LRCH3: variants seen among roughly 807,000 people sequenced by gnomAD.
The protein encoded by LRCH3 is leucine rich repeats and calponin homology domain containing 3.
Under a neutral mutation model 104.5 loss-of-function variants are expected in LRCH3, and 68 were observed. The observed-to-expected ratio is 0.65, with a 90% CI of 0.54 to 0.80. The LOEUF is 0.80. Among genes scored for constraint, LRCH3 ranks in the 30% least tolerant of loss-of-function variants. LRCH3 has a pLI of 0.00. For missense variants in LRCH3, 951 were observed against 953.9 expected (o/e 1.00, Z 0.04); for synonymous variants, 344 against 361.3 (o/e 0.95, Z 0.54).
Position 197,865,538 on chromosome 3 carries a change from T to A in LRCH3, c.1765+67T>A, listed in dbSNP as rs575851363. The A allele has an allele frequency of 6.0e-5, 63 of 1,049,356 alleles. No homozygotes were observed. The South Asian group carries it at 1.0e-3, about 17-fold the overall frequency. 65.0% of individuals were successfully genotyped at this position (1,049,356 alleles called of 1,614,324 possible). On this transcript the variant is annotated intron_variant, in intron 16 of 20. Coordinates refer to ENST00000425562, the MANE Select transcript of LRCH3 (RefSeq NM_001365715.1). ...ATTCTTTATTTTTTTATTTAAAAAA[T>A]AATAATAAATAGAGACGAGGCCTTT...
chr3:197,846,385 C>CAAAAAAA (rs113781589), intron 10 of LRCH3, among the ~76,000 whole-genome samples: 6 of 66,756 alleles, frequency 9.0e-5, no homozygotes, highest in African/African-American at 2.4e-4. Flanking sequence ...CCTTGGGCCA[C>CAAAAAAA]AAAAAAAAAA....
chr3:197,812,711 G>A (rs1472142730), intron 1 of LRCH3, among the ~76,000 whole-genome samples: 3 of 151,806 alleles, frequency 2.0e-5, no homozygotes, highest in Non-Finnish European at 4.4e-5. Flanking sequence ...ACAGGCACAT[G>A]CCACCACGCC....
intron 1 of LRCH3, among the ~76,000 whole-genome samples, chr3:197,793,899 C>G (rs1730906583): frequency 1.3e-5 from 2 of 152,212 alleles, no homozygotes; most frequent in South Asian, 4.1e-4. Flanking sequence ...GCTCGTTACC[C>G]AGTCTCTGTT....
intron 1 of LRCH3, among the ~76,000 whole-genome samples, chr3:197,801,937 A>C (rs1731943539): frequency 1.3e-5 from 2 of 152,162 alleles, no homozygotes; most frequent in African/African-American, 4.8e-5. Context: ...TTGTGGTTAT[A>C]AAACTGAGGT....
chr3:197,879,359 C>A (rs865789030), intron 20 of LRCH3, among the ~76,000 whole-genome samples: 2 of 152,096 alleles, frequency 1.3e-5, no homozygotes, highest in Non-Finnish European at 2.9e-5. Flanking sequence ...AAAATAGACA[C>A]CCCCTGGCCG....
intron 20 of LRCH3, chr3:197,881,190 G>A (rs956300353): frequency 7.9e-5 from 79 of 1,005,104 alleles, no homozygotes; most frequent in Non-Finnish European, 8.6e-5. Context: ...GGTTTTGGCC[G>A]CACCCGGTTA....
chr3:197,843,708 GA>G (rs2109358561), intron 10 of LRCH3, among the ~76,000 whole-genome samples: 1 of 152,216 alleles, frequency 6.6e-6, no homozygotes, highest in Non-Finnish European at 1.5e-5. Context: ...CTGCCTTATA[GA>G]GATAAAAGTC....
chr3:197,846,236 T>C (rs528787758), intron 10 of LRCH3, among the ~76,000 whole-genome samples: 1 of 152,010 alleles, frequency 6.6e-6, no homozygotes, highest in Non-Finnish European at 1.5e-5. Flanking sequence ...AAACCCGGTC[T>C]CTACAAAAAC....
intron 20 of LRCH3, among the ~76,000 whole-genome samples, chr3:197,879,523 G>T (rs1407988750): frequency 6.6e-6 from 1 of 151,680 alleles, no homozygotes; most frequent in South Asian, 2.1e-4. Context: ...GCGGGCGCCT[G>T]TAGTCCCAGC....
At chr3:197,867,829 T>G (rs1367493635) in intron 17 of LRCH3, among the ~76,000 whole-genome samples, 3 of 152,046 alleles carry the variant, frequency 2.0e-5, no homozygotes, top group Admixed American at 6.6e-5. Flanking sequence ...CACTCCAGCC[T>G]GGGTGACAGA....
In LRCH3 at chr3:197,883,066, A is replaced by G; in HGVS notation, c.2209-475A>G. The G allele has an allele frequency of 1.0e-6, 1 of 986,098 alleles. No individual in the cohort carries two copies. The allele number at this position is 986,098 out of a possible 1,614,324, so 61.1% of individuals were successfully genotyped here. On this transcript the variant is annotated intron_variant, in intron 20 of 20. Transcript: ENST00000425562. This position sits in a 1 kb window ranked among gnomAD's most constrained non-coding sequence, Gnocchi z 4.2. ...TTATAATGCAGATAGCGTAGAACTC[A>G]TGCAGGCTGAGTTATGTTTTCAAAC...
chr3:197,851,981 T>C (rs1226086594), intron 12 of LRCH3, among the ~76,000 whole-genome samples: 1 of 152,180 alleles, frequency 6.6e-6, no homozygotes, highest in Non-Finnish European at 1.5e-5. Flanking sequence ...ACCTCTCTTC[T>C]CGATTTTCTC....
intron 4 of LRCH3, among the ~76,000 whole-genome samples, chr3:197,820,741 C>A (rs894468674): frequency 6.6e-6 from 1 of 152,060 alleles, no homozygotes; most frequent in African/African-American, 2.4e-5. Context: ...CCCAGGAGGC[C>A]AAGGCTGCAG....
intron 12 of LRCH3, chr3:197,848,450 T>G (rs963344693): frequency 6.4e-6 from 1 of 157,366 alleles, no homozygotes; most frequent in East Asian, 1.9e-4. Context: ...TGTTCCTTTC[T>G]GCTCTCCACA....
At chr3:197,821,824 GC>G (rs1369303706) in intron 4 of LRCH3, among the ~76,000 whole-genome samples, 3 of 152,096 alleles carry the variant, frequency 2.0e-5, no homozygotes, top group Admixed American at 2.0e-4. Flanking sequence ...ACAGGCACTT[GC>G]CACCATGTCA....
intron 17 of LRCH3, among the ~76,000 whole-genome samples, chr3:197,868,898 A>G (rs1711669131): frequency 6.6e-6 from 1 of 152,144 alleles, no homozygotes; most frequent in Non-Finnish European, 1.5e-5. Flanking sequence ...TAAAAACCTG[A>G]TTGTGTTCAC....
At chr3:197,833,988 AAT>A (rs1249964618) in intron 8 of LRCH3, among the ~76,000 whole-genome samples, 1 of 152,244 alleles carries the variant, frequency 6.6e-6, no homozygotes, top group Non-Finnish European at 1.5e-5. Flanking sequence ...ATAAAACTCT[AAT>A]AACTCAAAAT....
At chr3:197,875,797 A>G in intron 20 of LRCH3, 22 bp downstream of exon 20, 1 of 1,447,682 alleles carries the variant, frequency 6.9e-7, no homozygotes, top group Non-Finnish European at 9.4e-7. Context: ...ATCATTTTTT[A>G]TGTTGCCTAA....
chr3:197,851,669 CAG>C (rs1739618036), intron 12 of LRCH3, among the ~76,000 whole-genome samples: 5 of 152,262 alleles, frequency 3.3e-5, no homozygotes, highest in African/African-American at 1.2e-4. Flanking sequence ...TTAACTATCT[CAG>C]AATTATTATG....
Sources: gnomAD v4.1 joint callset for allele counts (sites outside exome capture counted in the v4.1 genomes callset) on GRCh38, gnomAD v4.1.1 for gene constraint, Gnocchi (gnomAD v3.1) non-coding constraint, MANE v1.5 for transcripts, NCBI Gene and HGNC (gene_info 2026-07-23, HGNC 2026-07-21) for gene names.